The following GALNT7 variants were observed in gnomAD, a reference collection of about 807,000 sequenced individuals.
The protein encoded by GALNT7 is N-acetylgalactosaminyltransferase 7.
A neutral mutation model predicts 82.1 loss-of-function variants in GALNT7; 60 were observed. The ratio of observed to expected loss-of-function variants is 0.73; its 90% CI spans 0.59 to 0.91. The LOEUF (loss-of-function observed/expected upper bound fraction) is 0.91, where lower values mean the gene tolerates loss of function less well. GALNT7 is among the 40% of genes least tolerant of loss of function. GALNT7 has a pLI of 0.00. For synonymous variants in GALNT7, 243 were observed against 275.1 expected, an observed-to-expected ratio of 0.88 and a Z score of 1.15; for missense variants, 660 against 804.2, an observed-to-expected ratio of 0.82 and a Z score of 2.17.
At position 173,317,742 on chromosome 4, in the gene GALNT7, C is replaced by G; in HGVS notation, c.1707+10C>G. On this transcript the variant is annotated intron_variant, in intron 10 of 11. Coordinates refer to ENST00000265000, the MANE Select transcript of GALNT7 (RefSeq NM_017423.3). ...GATGGGAGGGAATCAGGTAAACCAC[C>G]TTACTTTTGTGTTTAAGTTGTTCCG... is the stretch of plus-strand genomic sequence containing the variant. The G allele has an allele frequency of 1.3e-6, 2 of 1,545,004 alleles. No individual in the cohort carries two copies. The highest frequency in any genetic ancestry group is 1.8e-6 in the Non-Finnish European group (2 of 1,117,428).
chr4:173,200,471 C>T (rs1199710793), intron 1 of GALNT7, among the ~76,000 whole-genome samples: 2 of 152,112 alleles, frequency 1.3e-5, no homozygotes, highest in East Asian at 1.9e-4. Context: ...AAGAATATCT[C>T]GCTTTACATA....
chr4:173,171,781 AGTT>A (rs1463157598), intron 1 of GALNT7, among the ~76,000 whole-genome samples: 1 of 152,184 alleles, frequency 6.6e-6, no homozygotes, highest in African/African-American at 2.4e-5. Flanking sequence ...GCATGGTACT[AGTT>A]GTTAAGGAAA....
chr4:173,185,413 C>CAA (rs33996293), intron 1 of GALNT7, among the ~76,000 whole-genome samples: 3,209 of 141,980 alleles, frequency 0.023, 65 homozygotes, highest in East Asian at 0.084. Flanking sequence ...CAATGAATCT[C>CAA]AAAAAAAAAA....
At chr4:173,289,591 C>T (rs1029981303) in intron 2 of GALNT7, among the ~76,000 whole-genome samples, 2 of 152,184 alleles carry the variant, frequency 1.3e-5, no homozygotes, top group African/African-American at 4.8e-5. Context: ...TGTGGGTATG[C>T]CTCTAGGCAC....
At position 173,323,333 on chromosome 4, in the gene GALNT7, C is replaced by T. The variant is rs1367908908; in HGVS notation, c.*1616C>T. On this transcript the variant is annotated 3_prime_UTR_variant, in exon 12 of 12. Transcript: ENST00000265000. Reference sequence around the variant, plus strand: ...TTAAATTTGGAGACTCAAAGTTAAACATCCTCAACAGAGTTTTATTTATAA... The same window carrying T: ...TTAAATTTGGAGACTCAAAGTTAAATATCCTCAACAGAGTTTTATTTATAA... 1 of 152,558 alleles carries T rather than the reference C, an allele frequency of 6.6e-6. No homozygotes were observed. The highest frequency in any genetic ancestry group is 6.6e-5 in the Admixed American group (1 of 15,264). 9.5% of individuals were successfully genotyped at this position (152,558 alleles called of 1,614,324 possible).
intron 11 of GALNT7, 50 bp from the exon 12 acceptor site, chr4:173,321,530 G>C (rs1737816364): frequency 1.5e-5 from 21 of 1,370,506 alleles, no homozygotes; most frequent in Non-Finnish European, 2.2e-5. Flanking sequence ...TCTGATGTCA[G>C]TGATATCAAG....
chr4:173,241,749 A>T (rs1177210531), intron 1 of GALNT7, among the ~76,000 whole-genome samples: 1 of 152,154 alleles, frequency 6.6e-6, no homozygotes, highest in Admixed American at 6.5e-5. Flanking sequence ...ATTCTTCATT[A>T]TAGTACAGGA....
intron 1 of GALNT7, among the ~76,000 whole-genome samples, chr4:173,172,822 T>A (rs1233540127): frequency 6.6e-6 from 1 of 152,140 alleles, no homozygotes; most frequent in Non-Finnish European, 1.5e-5. Context: ...ACAAGTAGAA[T>A]GATGCCACAC....
chr4:173,238,001 T>C (rs1447641044), intron 1 of GALNT7, among the ~76,000 whole-genome samples: 1 of 152,156 alleles, frequency 6.6e-6, no homozygotes, highest in Non-Finnish European at 1.5e-5. Context: ...TTTCTCCACC[T>C]GATGAAATGC....
At chr4:173,277,658 A>C (rs1198212199) in intron 2 of GALNT7, among the ~76,000 whole-genome samples, 2 of 152,350 alleles carry the variant, frequency 1.3e-5, no homozygotes, top group African/African-American at 4.8e-5. Flanking sequence ...AACAGGAGAC[A>C]TTCTAGATAT....
Position 173,178,050 on chromosome 4 carries a change from T to TGC in GALNT7, c.126+9090_126+9091insCG, listed in dbSNP as rs539639870. 3.4e-3 allele frequency among the ~76,000 whole-genome samples: 403 copies of TGC among 117,580 alleles called. 2 individuals carry two copies. Among genetic ancestry groups the TGC allele is most frequent in the Middle Eastern group, 8.5e-3 (2 of 236 alleles). 77.1% of individuals were successfully genotyped at this position (117,580 alleles called of 152,430 possible). On this transcript the variant is annotated intron_variant, in intron 1 of 11. Coordinates refer to ENST00000265000, the MANE Select transcript of GALNT7 (RefSeq NM_017423.3). Reference sequence around the variant, plus strand: ...GTGTGTGTGTGTGTGTGTGTGTGTGTGTGCGCGCACGCGCGTGCGCACAGA... The same window carrying TGC: ...GTGTGTGTGTGTGTGTGTGTGTGTGTGCGTGCGCGCACGCGCGTGCGCACAGA...
At chr4:173,291,108 C>T (rs776983874) in intron 2 of GALNT7, among the ~76,000 whole-genome samples, 7 of 152,174 alleles carry the variant, frequency 4.6e-5, no homozygotes, top group Non-Finnish European at 1.0e-4. Context: ...TCATGTTTTA[C>T]GTATTTTCAC....
intron 2 of GALNT7, among the ~76,000 whole-genome samples, chr4:173,265,549 A>C (rs1211384454): frequency 6.6e-6 from 1 of 151,430 alleles, no homozygotes; most frequent in Non-Finnish European, 1.5e-5. Context: ...CAGCAAGTAC[A>C]TGCTAGCTGT....
intron 1 of GALNT7, among the ~76,000 whole-genome samples, chr4:173,185,385 A>G (rs1732432427): frequency 6.6e-6 from 1 of 150,820 alleles, no homozygotes; most frequent in African/African-American, 2.4e-5. Flanking sequence ...TTAACTTACT[A>G]CTGGGAGTGA....
intron 2 of GALNT7, among the ~76,000 whole-genome samples, chr4:173,261,168 C>A (rs980376690): frequency 7.9e-5 from 12 of 152,160 alleles, no homozygotes; most frequent in Non-Finnish European, 1.2e-4. Flanking sequence ...GCAGCCAGAA[C>A]AAATTCTGGC....
At chr4:173,183,662 T>TG (rs1239485050) in intron 1 of GALNT7, among the ~76,000 whole-genome samples, 1 of 152,198 alleles carries the variant, frequency 6.6e-6, no homozygotes, top group Non-Finnish European at 1.5e-5. Context: ...AATGAGCTGT[T>TG]GGGTACACCT....
At chr4:173,213,783 G>T (rs763599726) in intron 1 of GALNT7, among the ~76,000 whole-genome samples, 1 of 151,918 alleles carries the variant, frequency 6.6e-6, no homozygotes, top group Non-Finnish European at 1.5e-5. Flanking sequence ...GCACTGACAG[G>T]CATATAGCAC....
intron 1 of GALNT7, among the ~76,000 whole-genome samples, chr4:173,207,321 G>T (rs950222209): frequency 6.6e-6 from 1 of 151,862 alleles, no homozygotes; most frequent in African/African-American, 2.4e-5. Context: ...ATACAAAAAA[G>T]AATAAAATAA....
At chr4:173,286,061 T>C (rs115231462) in intron 2 of GALNT7, among the ~76,000 whole-genome samples, 214 of 152,270 alleles carry the variant, frequency 1.4e-3, no homozygotes, top group African/African-American at 5.1e-3. Context: ...ACAAGATCTA[T>C]GAAGAGAAAA....
Sources: allele counts gnomAD v4.1 joint callset (sites outside exome capture counted in the v4.1 genomes callset), GRCh38; gene constraint gnomAD v4.1.1; transcripts MANE v1.5; gene names NCBI Gene and HGNC (gene_info 2026-07-23, HGNC 2026-07-21).